PTPRD: variants seen among roughly 807,000 people sequenced by gnomAD.
The protein encoded by PTPRD is receptor-type tyrosine-protein phosphatase delta.
PTPRD carries 34 observed loss-of-function variants against 214.5 expected under a neutral mutation model. The ratio of observed to expected loss-of-function variants is 0.16; its 90% CI spans 0.12 to 0.21. PTPRD has a LOEUF of 0.21. PTPRD is among the 10% of genes least tolerant of loss of function. The pLI is 1.00. For synonymous variants in PTPRD, 1,128 were observed against 845.7 expected (o/e 1.33, Z -5.79); for missense variants, 2,545 against 2,398.7 (o/e 1.06, Z -1.27).
At chr9:9,302,801 A>T (rs531266644) in intron 9 of PTPRD, among the ~76,000 whole-genome samples, 4 of 151,722 alleles carry the variant, frequency 2.6e-5, no homozygotes, top group African/African-American at 7.2e-5. Context: ...ACTCCTATGT[A>T]TGCTCCTTTA....
intron 11 of PTPRD, among the ~76,000 whole-genome samples, chr9:8,859,238 A>G (rs891629956): frequency 6.6e-6 from 1 of 152,196 alleles, no homozygotes; most frequent in African/African-American, 2.4e-5. Flanking sequence ...AGTGCTCCTC[A>G]GCTTCTCTGA....
chr9:8,947,091 TA>T (rs958700835), intron 11 of PTPRD, among the ~76,000 whole-genome samples: 4 of 151,264 alleles, frequency 2.6e-5, no homozygotes, highest in Non-Finnish European at 4.4e-5. Context: ...CTTACTCCTT[TA>T]AATGTTCTTT....
At chr9:8,764,593 C>G (rs186720366) in intron 11 of PTPRD, among the ~76,000 whole-genome samples, 1 of 151,932 alleles carries the variant, frequency 6.6e-6, no homozygotes, top group Non-Finnish European at 1.5e-5. Flanking sequence ...GTCAGGAGTT[C>G]AAGACTAGCC....
At chr9:9,389,540 G>A (rs1278025839) in intron 9 of PTPRD, among the ~76,000 whole-genome samples, 3 of 152,018 alleles carry the variant, frequency 2.0e-5, no homozygotes, top group Admixed American at 2.0e-4. Context: ...CATTAATTAT[G>A]TTCCAGTAAT....
At chr9:10,168,468 C>G (rs2099173652) in intron 3 of PTPRD, among the ~76,000 whole-genome samples, 1 of 152,180 alleles carries the variant, frequency 6.6e-6, no homozygotes. Context: ...TTTGTGAAAC[C>G]TTGCCTCGGC....
intron 44 of PTPRD, among the ~76,000 whole-genome samples, chr9:8,325,215 G>C (rs557266135): frequency 2.0e-3 from 300 of 148,962 alleles, no homozygotes; most frequent in African/African-American, 6.8e-3. Context: ...TTCTTCTAGG[G>C]GTTTTCATCA....
intron 2 of PTPRD, among the ~76,000 whole-genome samples, chr9:10,452,362 C>T (rs764800603): frequency 2.0e-5 from 3 of 151,388 alleles, no homozygotes; most frequent in Non-Finnish European, 3.0e-5. Flanking sequence ...ATGGATTTTA[C>T]GGTAACTCTA....
intron 5 of PTPRD, among the ~76,000 whole-genome samples, chr9:9,837,749 G>A (rs944358355): frequency 6.6e-6 from 1 of 150,890 alleles, no homozygotes; most frequent in Admixed American, 6.6e-5. Flanking sequence ...CTCTGTCCTT[G>A]CTGCATTTTT....
At chr9:10,437,309 G>C (rs2098725814) in intron 2 of PTPRD, among the ~76,000 whole-genome samples, 1 of 151,762 alleles carries the variant, frequency 6.6e-6, no homozygotes, top group Non-Finnish European at 1.5e-5. Context: ...ACATTAAATA[G>C]ATTGCACAAA....
intron 9 of PTPRD, among the ~76,000 whole-genome samples, chr9:9,183,963 C>A (rs1031765592): frequency 6.6e-6 from 1 of 152,046 alleles, no homozygotes; most frequent in Non-Finnish European, 1.5e-5. Flanking sequence ...GGCACAATGT[C>A]TTAATTTCTC....
chr9:9,468,714 T>C (rs1473028785), intron 8 of PTPRD, among the ~76,000 whole-genome samples: 1 of 152,160 alleles, frequency 6.6e-6, no homozygotes, highest in Non-Finnish European at 1.5e-5. Context: ...ATATATATAG[T>C]TAGAAATGCA....
intron 26 of PTPRD, among the ~76,000 whole-genome samples, 191 bp from the exon 27 acceptor site, chr9:8,493,170 A>G (rs568112069): frequency 6.6e-6 from 1 of 152,326 alleles, no homozygotes; most frequent in South Asian, 2.1e-4. Context: ...GGGCATCTTC[A>G]GGCATCTTGG....
chr9:8,852,188 C>T (rs1300513499), intron 11 of PTPRD, among the ~76,000 whole-genome samples: 1 of 152,078 alleles, frequency 6.6e-6, no homozygotes, highest in Non-Finnish European at 1.5e-5. Context: ...AAATACAATT[C>T]CCAAATCTCA....
At chr9:8,667,265 G>A (rs1012734903) in intron 12 of PTPRD, among the ~76,000 whole-genome samples, 3 of 152,128 alleles carry the variant, frequency 2.0e-5, no homozygotes, top group Admixed American at 1.3e-4. Flanking sequence ...CTTGAACACG[G>A]GACGCAGAAG....
Position 8,867,535 on chromosome 9 carries a change from T to A in PTPRD, c.-103-133589A>T, listed in dbSNP as rs1001542259. Among the ~76,000 whole-genome samples the A allele has an allele frequency of 5.9e-5, 9 of 152,200 alleles. No individual in the cohort carries two copies. In the East Asian group the frequency reaches 1.7e-3, roughly 29 times the overall value. ...GTAAGAAGGAACAGGACAACTGTTT[T>A]ATTTTTTCCTTTTCCTTTTTAATCC... On this transcript the variant is annotated intron_variant, in intron 11 of 45. Transcript: ENST00000381196.
intron 12 of PTPRD, among the ~76,000 whole-genome samples, chr9:8,654,141 C>G (rs2154347523): frequency 6.6e-6 from 1 of 152,322 alleles, no homozygotes; most frequent in African/African-American, 2.4e-5. Context: ...TATCAAATGT[C>G]TCCTGGGAAA....
intron 3 of PTPRD, among the ~76,000 whole-genome samples, chr9:10,059,295 T>C (rs553015830): frequency 6.6e-6 from 1 of 152,174 alleles, no homozygotes; most frequent in Non-Finnish European, 1.5e-5. Flanking sequence ...TGCGCAATAC[T>C]CATGGGCTTC....
At chr9:8,577,540 C>T (rs1168861548) in intron 14 of PTPRD, among the ~76,000 whole-genome samples, 1 of 152,134 alleles carries the variant, frequency 6.6e-6, no homozygotes, top group Non-Finnish European at 1.5e-5. Flanking sequence ...TAGACGTGAG[C>T]CACTGTGCCC....
chr9:10,084,367 A>G (rs961786945), intron 3 of PTPRD, among the ~76,000 whole-genome samples: 22 of 151,964 alleles, frequency 1.4e-4, no homozygotes, highest in African/African-American at 4.8e-4. Context: ...GCCAAACTGT[A>G]TATCTGTTAA....
Sources: gnomAD v4.1 joint callset for allele counts (sites outside exome capture counted in the v4.1 genomes callset) on GRCh38, gnomAD v4.1.1 for gene constraint, MANE v1.5 for transcripts, NCBI Gene and HGNC (gene_info 2026-07-23, HGNC 2026-07-21) for gene names.